The following FNTB variants were observed in gnomAD, a reference collection of about 807,000 sequenced individuals.
FNTB encodes the protein protein farnesyltransferase subunit beta.
FNTB carries 27 observed loss-of-function variants against 59.4 expected under a neutral mutation model. That is an observed-to-expected ratio of 0.45 (90% CI 0.34 to 0.63). The LOEUF is 0.63. Ranked by LOEUF, FNTB falls within the 20% of genes least tolerant of loss-of-function variation. FNTB has a pLI of 0.02. For synonymous variants in FNTB, 230 were observed against 220.7 expected (o/e 1.04, Z -0.37); for missense variants, 449 against 559.6 (o/e 0.80, Z 1.99).
rs959730328 is a variant in FNTB, at chr14:64,986,947, C to T, written c.-7C>T. ...AGTCCTACACACTGTCTGCTGCTCT[C>T]CTGATCATGGCTTCTCCGAGTTCTT... On this transcript the variant is annotated 5_prime_UTR_variant, in exon 1 of 12. Transcript: ENST00000246166. 2.5e-6 allele frequency: 4 copies of T among 1,614,248 alleles called. No homozygotes were observed. Among genetic ancestry groups the T allele is most frequent in the Non-Finnish European group, 3.4e-6 (4 of 1,180,032 alleles).
chr14:64,989,277 A>G (rs965894347), intron 1 of FNTB, among the ~76,000 whole-genome samples: 65 of 149,046 alleles, frequency 4.4e-4, no homozygotes, highest in Non-Finnish European at 7.9e-4. Context: ...TCTACCAAAA[A>G]AAAAAAAAAA....
chr14:65,040,404 T>G (rs1408343504), intron 7 of FNTB, among the ~76,000 whole-genome samples: 1 of 151,620 alleles, frequency 6.6e-6, no homozygotes, highest in Non-Finnish European at 1.5e-5. Flanking sequence ...GTAGGCTGTT[T>G]CTAAGTGTCT....
At position 65,023,168 on chromosome 14, in the gene FNTB, C is replaced by A. The variant is rs538054426; in HGVS notation, c.375-4285C>A. ...GACTTCCCCAAGCTCAAGTGATCCT[C>A]CCACCTCAGCCTCCTGAGTAGCTGG... On this transcript the variant is annotated intron_variant, in intron 4 of 11. Transcript: ENST00000246166. The surrounding 1 kb of genome is among the most constrained non-coding windows in gnomAD (Gnocchi z 4.1). Among the ~76,000 whole-genome samples, 13 of 152,316 alleles carry A rather than the reference C, an allele frequency of 8.5e-5. No homozygotes were observed. The highest frequency in any genetic ancestry group is 3.1e-4 in the African/African-American group (13 of 41,570).
chr14:64,994,101 C>T lies in FNTB; in HGVS notation c.144+7004C>T, dbSNP rs928042143. 3.3e-5 allele frequency among the ~76,000 whole-genome samples: 5 copies of T among 152,092 alleles called. No individual in the cohort carries two copies. The highest frequency in any genetic ancestry group is 1.2e-4 in the African/African-American group (5 of 41,426). Reference sequence around the variant, plus strand: ...AACTCCTGACCTCAAATGATCCACCCGCTTCCACCTCCCAAAGTGCTGGGA... The same window carrying T: ...AACTCCTGACCTCAAATGATCCACCTGCTTCCACCTCCCAAAGTGCTGGGA... On this transcript the variant is annotated intron_variant, in intron 1 of 11. Transcript: ENST00000246166. This position sits in a 1 kb window ranked among gnomAD's most constrained non-coding sequence, Gnocchi z 4.2.
intron 2 of FNTB, among the ~76,000 whole-genome samples, chr14:65,005,073 CCT>C (rs2061560268): frequency 6.6e-6 from 1 of 152,218 alleles, no homozygotes; most frequent in Admixed American, 6.5e-5. Flanking sequence ...TTTCTCCATG[CCT>C]ACTCCCTGTT....
At chr14:65,020,521 G>A (rs1368986273) in intron 4 of FNTB, among the ~76,000 whole-genome samples, 1 of 152,096 alleles carries the variant, frequency 6.6e-6, no homozygotes, top group Non-Finnish European at 1.5e-5. Context: ...CACCTCCTGG[G>A]TTCAAGCAAT....
At position 65,061,202 on chromosome 14, in the gene FNTB, A is replaced by G; in HGVS notation, c.1204A>G (p.Asn402Asp). ...NALQPTHPVYNIGPDKVIQAT... is the reference protein window; with the variant it reads ...NALQPTHPVYDIGPDKVIQAT... ...GCAGCAGCCCACTCACCCAGTGTAC[A>G]ACATTGGACCAGACAAGGTGATCCA... Residue 402 changes from asparagine (N) to aspartate (D), a missense_variant, in exon 12 of 12, where the codon AAC (asparagine) becomes GAC (aspartate). By Grantham distance (23) the Asn-to-Asp change is conservative. Coordinates refer to ENST00000246166, the MANE Select transcript of FNTB (RefSeq NM_002028.4). The G allele has an allele frequency of 1.2e-6, 2 of 1,614,158 alleles. No homozygotes were observed. The highest frequency in any genetic ancestry group is 1.7e-6 in the Non-Finnish European group (2 of 1,180,016).
intron 4 of FNTB, among the ~76,000 whole-genome samples, chr14:65,025,764 C>T (rs779543233): frequency 2.0e-5 from 3 of 152,098 alleles, no homozygotes; most frequent in African/African-American, 4.8e-5. Context: ...TGCAGTGAGC[C>T]GTGATTATGC....
At chr14:65,057,291 T>C (rs1291308647) in intron 11 of FNTB, among the ~76,000 whole-genome samples, 2 of 152,192 alleles carry the variant, frequency 1.3e-5, no homozygotes, top group East Asian at 3.9e-4. Flanking sequence ...AGGCCAGATA[T>C]GGTGGTTCGC....
rs1286613367 is a variant in FNTB, at chr14:65,001,999, G to A, written c.145-2250G>A. Among the ~76,000 whole-genome samples the A allele has an allele frequency of 1.3e-5, 2 of 152,164 alleles. No individual in the cohort carries two copies. The highest frequency in any genetic ancestry group is 1.9e-4 in the East Asian group (1 of 5,200). ...AATTAATTTTAGATTGGCTGCCATCGTAGATGATTCATATCACTGCTCCCC... is the reference window on the plus strand; with the variant it reads ...AATTAATTTTAGATTGGCTGCCATCATAGATGATTCATATCACTGCTCCCC... On this transcript the variant is annotated intron_variant, in intron 1 of 11. Coordinates refer to ENST00000246166, the MANE Select transcript of FNTB (RefSeq NM_002028.4). This position sits in a 1 kb window ranked among gnomAD's most constrained non-coding sequence, Gnocchi z 5.5.
chr14:65,003,680 A>G (rs953667151), intron 1 of FNTB: 1 of 152,224 alleles, frequency 6.6e-6, no homozygotes, highest in African/African-American at 2.4e-5. Flanking sequence ...AGTATGGTAA[A>G]TAAGAGTAAT....
At chr14:64,995,761 G>A (rs1316180391) in intron 1 of FNTB, among the ~76,000 whole-genome samples, 5 of 146,264 alleles carry the variant, frequency 3.4e-5, no homozygotes, top group Non-Finnish European at 7.4e-5. Context: ...GTGTATGTAT[G>A]TATATGTACG....
At chr14:65,048,673 T>C (rs760453548) in intron 9 of FNTB, among the ~76,000 whole-genome samples, 1 of 152,110 alleles carries the variant, frequency 6.6e-6, no homozygotes, top group Non-Finnish European at 1.5e-5. Flanking sequence ...GGCAATATAG[T>C]GAGAGCTTGT....
At chr14:64,993,120 A>G (rs746559369) in intron 1 of FNTB, among the ~76,000 whole-genome samples, 9 of 152,152 alleles carry the variant, frequency 5.9e-5, no homozygotes, top group Non-Finnish European at 8.8e-5. Context: ...GCGCCCAGCT[A>G]AAATGATCTT....
chr14:65,056,898 G>A (rs768226205), intron 11 of FNTB, among the ~76,000 whole-genome samples: 1 of 152,136 alleles, frequency 6.6e-6, no homozygotes, highest in Non-Finnish European at 1.5e-5. Context: ...GAAATTCAAG[G>A]GCATGGCTCT....
chr14:65,024,215 A>G (rs2061939429), intron 4 of FNTB, among the ~76,000 whole-genome samples: 1 of 152,206 alleles, frequency 6.6e-6, no homozygotes, highest in South Asian at 2.1e-4. Flanking sequence ...AGAAGCACTG[A>G]TACCTGGCTG....
At position 65,040,852 on chromosome 14, in the gene FNTB, C is replaced by T; in HGVS notation, c.755C>T (p.Thr252Ile). ...GGGATGGAAGCCCATGGTGGCTATA[C>T]CTTCTGTGGCCTGGCCGCGCTGGTA... ...VPGMEAHGGY[T>I]FCGLAALVIL... Residue 252 changes from threonine to isoleucine, a missense_variant, in exon 8 of 12, where the codon ACC becomes ATC. Around this residue, in one of 2 missense-constraint regions of FNTB, gnomAD observed 337 missense variants for 479.1 expected, o/e 0.70. Transcript: ENST00000246166. The T allele has an allele frequency of 6.2e-7, 1 of 1,613,924 alleles. No homozygotes were observed. Among genetic ancestry groups the T allele is most frequent in the Non-Finnish European group, 8.5e-7 (1 of 1,179,940 alleles).
intron 11 of FNTB, among the ~76,000 whole-genome samples, chr14:65,058,280 A>G (rs2062787018): frequency 7.0e-6 from 1 of 143,786 alleles, no homozygotes; most frequent in African/African-American, 2.6e-5. Flanking sequence ...GGTTAGAGTT[A>G]TGTCTAATTT....
At chr14:65,017,692 C>A (rs1004518472) in intron 4 of FNTB, among the ~76,000 whole-genome samples, 19 of 152,256 alleles carry the variant, frequency 1.2e-4, no homozygotes, top group African/African-American at 4.1e-4. Flanking sequence ...TGGTGGCTCA[C>A]GCCTGTAATC....
Sources: gnomAD v4.1 joint callset for allele counts (sites outside exome capture counted in the v4.1 genomes callset) on GRCh38, gnomAD v4.1.1 for gene constraint, gnomAD v4.1.1 regional missense constraint, Gnocchi (gnomAD v3.1) non-coding constraint, MANE v1.5 for transcripts, NCBI Gene and HGNC (gene_info 2026-07-23, HGNC 2026-07-21) for gene names.